Variants in TBC1D32 observed in about 807,000 individuals in gnomAD.
TBC1D32 encodes the protein TBC1 domain family member 32.
Under a neutral mutation model 170.3 loss-of-function variants are expected in TBC1D32, and 151 were observed. The observed-to-expected ratio is 0.89, with a 90% CI of 0.78 to 1.01. TBC1D32 has a LOEUF of 1.01. Among genes scored for constraint, TBC1D32 ranks in the 50% least tolerant of loss-of-function variants. TBC1D32 has a pLI of 0.00. For missense variants in TBC1D32, 1,464 were observed against 1,457.1 expected (o/e 1.00, Z -0.08); for synonymous variants, 498 against 488.0 (o/e 1.02, Z -0.27).
At chr6:121,137,734 AAG>A (rs925270807) in intron 24 of TBC1D32, among the ~76,000 whole-genome samples, 2 of 151,978 alleles carry the variant, frequency 1.3e-5, no homozygotes, top group African/African-American at 2.4e-5. Flanking sequence ...ATGATGTAGA[AAG>A]AGAGACTATA....
intron 30 of TBC1D32, among the ~76,000 whole-genome samples, chr6:121,093,769 T>C (rs1276471542): frequency 1.3e-5 from 2 of 152,162 alleles, no homozygotes; most frequent in Non-Finnish European, 1.5e-5. Context: ...ATGGATATAA[T>C]ACCTATATTT....
chr6:121,099,634 A>C (rs1388209939), intron 30 of TBC1D32, among the ~76,000 whole-genome samples: 3 of 152,076 alleles, frequency 2.0e-5, no homozygotes, highest in East Asian at 3.9e-4. Flanking sequence ...TAATTACTTA[A>C]TCACATATAC....
chr6:121,173,025 T>G (rs1787280710), intron 22 of TBC1D32, among the ~76,000 whole-genome samples: 1 of 152,128 alleles, frequency 6.6e-6, no homozygotes, highest in South Asian at 2.1e-4. Flanking sequence ...TATTGAAGGA[T>G]GCAAAATATT....
At chr6:121,100,049 C>G (rs566599874) in intron 30 of TBC1D32, among the ~76,000 whole-genome samples, 1 of 151,830 alleles carries the variant, frequency 6.6e-6, no homozygotes, top group South Asian at 2.1e-4. Context: ...AGGAGCAGAT[C>G]GTTTGGTTTC....
In TBC1D32 at chr6:121,223,381, T is replaced by C. The variant is rs73524599; in HGVS notation, c.2365-29A>G. 1,203 of 1,459,638 alleles carry C rather than the reference T, an allele frequency of 8.2e-4. 10 individuals carry two copies. The African/African-American group carries it at 0.015, about 18-fold the overall frequency. 90.4% of individuals were successfully genotyped at this position (1,459,638 alleles called of 1,614,324 possible). A position where few individuals can be genotyped will look rare whatever the true frequency, so the allele number is the denominator to read the frequency against. On this transcript the variant is annotated intron_variant, in intron 20 of 31. Transcript: ENST00000398212. ...GAGGGAAAGAAAACAGTCATTTAAATGATTCACTTTTGTCAACCACATCCA... is the reference window on the plus strand; with the variant it reads ...GAGGGAAAGAAAACAGTCATTTAAACGATTCACTTTTGTCAACCACATCCA...
At chr6:121,329,996 A>C (rs571929136) in intron 1 of TBC1D32, among the ~76,000 whole-genome samples, 2 of 152,274 alleles carry the variant, frequency 1.3e-5, no homozygotes, top group East Asian at 3.9e-4. Context: ...AATTCTTGGT[A>C]ATTTTCTCCA....
intron 17 of TBC1D32, among the ~76,000 whole-genome samples, chr6:121,246,982 A>G (rs112788624): frequency 2.9e-3 from 446 of 152,104 alleles, no homozygotes; most frequent in Middle Eastern, 6.8e-3. Flanking sequence ...ACACCTGGAA[A>G]ATTCATTGGG....
intron 22 of TBC1D32, among the ~76,000 whole-genome samples, chr6:121,169,172 T>C (rs183808419): frequency 2.6e-5 from 4 of 152,238 alleles, no homozygotes; most frequent in African/African-American, 7.2e-5. Flanking sequence ...CAAACTATAC[T>C]ACAAGGCTAC....
At chr6:121,153,648 G>A (rs538131347) in intron 24 of TBC1D32, among the ~76,000 whole-genome samples, 3 of 152,250 alleles carry the variant, frequency 2.0e-5, no homozygotes, top group African/African-American at 7.2e-5. Flanking sequence ...TTATCTATAA[G>A]CCCCTGACTG....
intron 29 of TBC1D32, among the ~76,000 whole-genome samples, chr6:121,110,842 A>G (rs1282865383): frequency 1.3e-5 from 2 of 152,228 alleles, no homozygotes; most frequent in Non-Finnish European, 2.9e-5. Flanking sequence ...AGTTCTAGAT[A>G]GAATTCCTGT....
chr6:121,306,882 A>G (rs1460238520), intron 5 of TBC1D32, among the ~76,000 whole-genome samples: 1 of 152,206 alleles, frequency 6.6e-6, no homozygotes, highest in East Asian at 1.9e-4. Context: ...AAATCTCAAC[A>G]TTAGTTTTCT....
rs1798991205 is a variant in TBC1D32 at position 121,256,219 on chromosome 6, A to C, written c.1800T>G (p.Phe600Leu). The change falls in exon 16 of 32, where the codon TTT becomes TTG. Residue 600 changes from phenylalanine (F) to leucine (L), a missense_variant. Around this residue, in one of 3 missense-constraint regions of TBC1D32, gnomAD observed 1,363 missense variants for 1,338.1 expected, o/e 1.02. Transcript: ENST00000398212. The part of the protein sequence containing the change: ...KKLLDEDISI[F>L]SGSEMLPVVK... The stretch of plus-strand genomic sequence containing the variant: ...CCACAGGCAACATTTCTGATCCAGA[A>C]AATATAGAAATATCTTCATCGAGAA... 6.2e-7 allele frequency: 1 copy of C among 1,613,968 alleles called. No individual in the cohort carries two copies. The highest frequency in any genetic ancestry group is 8.5e-7 in the Non-Finnish European group (1 of 1,179,932).
intron 21 of TBC1D32, among the ~76,000 whole-genome samples, chr6:121,218,847 T>C: frequency 6.6e-6 from 1 of 152,090 alleles, no homozygotes. Context: ...AAGGGATTTT[T>C]CCCCCTTTGC....
At chr6:121,312,818 G>T (rs965505158) in intron 3 of TBC1D32, among the ~76,000 whole-genome samples, 2 of 152,158 alleles carry the variant, frequency 1.3e-5, no homozygotes, top group Non-Finnish European at 2.9e-5. Flanking sequence ...TGTAGACACA[G>T]CTTAGTTTAG....
chr6:121,283,369 C>T (rs79184947), intron 13 of TBC1D32, among the ~76,000 whole-genome samples: 211 of 151,758 alleles, frequency 1.4e-3, no homozygotes, highest in African/African-American at 4.8e-3. Context: ...AAAACATGAA[C>T]GGTTTTTTCT....
intron 17 of TBC1D32, among the ~76,000 whole-genome samples, chr6:121,254,509 C>G (rs942287865): frequency 3.3e-5 from 5 of 151,890 alleles, no homozygotes; most frequent in Non-Finnish European, 7.4e-5. Context: ...ATGCAAAAAA[C>G]AAAGCAGCTC....
chr6:121,260,863 C>G (rs765569551), intron 15 of TBC1D32, among the ~76,000 whole-genome samples: 1 of 152,200 alleles, frequency 6.6e-6, no homozygotes, highest in Non-Finnish European at 1.5e-5. Context: ...CTGCGGCTAG[C>G]TACCTAAGAC....
intron 14 of TBC1D32, among the ~76,000 whole-genome samples, chr6:121,280,067 C>T (rs1018032896): frequency 6.6e-6 from 1 of 151,886 alleles, no homozygotes; most frequent in African/African-American, 2.4e-5. Context: ...CTAAAGAAGT[C>T]CTAATTATTA....
At chr6:121,220,832 G>A (rs766065294) in intron 21 of TBC1D32, among the ~76,000 whole-genome samples, 2 of 151,700 alleles carry the variant, frequency 1.3e-5, no homozygotes, top group Non-Finnish European at 2.9e-5. Context: ...CTAGACACGG[G>A]GTTTCACCAT....
Sources: allele counts gnomAD v4.1 joint callset (sites outside exome capture counted in the v4.1 genomes callset), GRCh38; gene constraint gnomAD v4.1.1; regional missense constraint gnomAD v4.1.1; transcripts MANE v1.5; gene names NCBI Gene and HGNC (gene_info 2026-07-23, HGNC 2026-07-21).